Variants in CSF1R observed in about 807,000 individuals in gnomAD.
CSF1R encodes colony stimulating factor 1 receptor, also known as macrophage colony-stimulating factor 1 receptor.
In CSF1R, 40 loss-of-function variants were observed where a neutral mutation model predicts 110.0. The observed-to-expected ratio is 0.36, with a 90% CI of 0.28 to 0.47. The LOEUF (loss-of-function observed/expected upper bound fraction) is 0.47. CSF1R is among the 20% of genes least tolerant of loss of function. The pLI is 0.99. For synonymous variants in CSF1R, 523 were observed against 503.4 expected, an observed-to-expected ratio of 1.04 and a Z score of -0.52; for missense variants, 1,052 against 1,253.0, an observed-to-expected ratio of 0.84 and a Z score of 2.42.
intron 1 of CSF1R, among the ~76,000 whole-genome samples, chr5:150,093,374 G>A (rs148272580): frequency 0.025 from 3,787 of 152,108 alleles, 61 homozygotes; most frequent in South Asian, 0.054. Context: ...CCACAGCACC[G>A]GCCCTCATGC....
intron 1 of CSF1R, among the ~76,000 whole-genome samples, chr5:150,085,286 A>AAAAAAAAAAC (rs762504061): frequency 9.4e-5 from 14 of 148,712 alleles, no homozygotes; most frequent in African/African-American, 2.5e-4. Flanking sequence ...GGAAAAAAAA[A>AAAAAAAAAAC]AAAAAAACCC....
chr5:150,090,601 T>C (rs1759008293), upstream of CSF1R, among the ~76,000 whole-genome samples: 1 of 152,200 alleles, frequency 6.6e-6, no homozygotes, highest in Non-Finnish European at 1.5e-5. Flanking sequence ...ACGCAATATG[T>C]AGCTAAAGCC....
At chr5:150,055,162 G>C in intron 19 of CSF1R, 75 bp downstream of exon 19, 1 of 1,317,870 alleles carries the variant, frequency 7.6e-7, no homozygotes, top group Non-Finnish European at 1.1e-6. Flanking sequence ...GAAAGATCAG[G>C]GCCACACGGC....
Position 150,053,391 on chromosome 5 carries a change from G to C in CSF1R, c.*678C>G, listed in dbSNP as rs1757010112. 4.3e-6 allele frequency: 1 copy of C among 234,090 alleles called. No homozygotes were observed. The highest frequency in any genetic ancestry group is 1.8e-4 in the South Asian group (1 of 5,542). The allele number at this position is 234,090 out of a possible 1,614,324, so 14.5% of individuals were successfully genotyped here. ...TTGGGGGAGTTTGTGCTTCCTGCTT[G>C]GTGTGGCCAGCCACATGCCAAGGTC... is the stretch of plus-strand genomic sequence containing the variant. On this transcript the variant is annotated 3_prime_UTR_variant, in exon 21 of 21. Transcript: ENST00000675795.
intron 1 of CSF1R, among the ~76,000 whole-genome samples, chr5:150,112,006 T>C (rs1279213463): frequency 6.6e-6 from 1 of 152,154 alleles, no homozygotes; most frequent in African/African-American, 2.4e-5. Context: ...TACAAATGAG[T>C]GTTAAGCAGC....
intron 1 of CSF1R, among the ~76,000 whole-genome samples, chr5:150,107,423 A>C (rs1759587612): frequency 6.6e-6 from 1 of 152,192 alleles, no homozygotes; most frequent in Admixed American, 6.5e-5. Context: ...TGGTTGATCC[A>C]TTGGGCACAC....
intron 5 of CSF1R, among the ~76,000 whole-genome samples, chr5:150,075,673 C>T (rs1030534171): frequency 1.3e-5 from 2 of 152,168 alleles, no homozygotes; most frequent in Non-Finnish European, 2.9e-5. Context: ...CTTCATGAGT[C>T]GGGGGTTGTT....
chr5:150,068,600 T>G (rs1395869856), intron 9 of CSF1R, among the ~76,000 whole-genome samples: 3 of 151,958 alleles, frequency 2.0e-5, no homozygotes, highest in Non-Finnish European at 4.4e-5. Context: ...GCCTCTGGGG[T>G]CATGCAGTCT....
In CSF1R at chr5:150,105,423, C is replaced by T. The variant is rs185688343; in HGVS notation, c.-181+7838G>A. ...AATAGAGGCGGGGTTACCATGTTGG[C>T]GAGGCTGATCTCGAACTCCTGACCT... On this transcript the variant is annotated intron_variant, in intron 1 of 21. Coordinates refer to the CSF1R transcript ENST00000286301. Among the ~76,000 whole-genome samples, 882 of 140,576 alleles carry T rather than the reference C, an allele frequency of 6.3e-3. 16 individuals are homozygous for T. Among genetic ancestry groups the T allele is most frequent in the African/African-American group, 0.022 (827 of 37,644 alleles). The allele number at this position is 140,576 out of a possible 152,430, so 92.2% of individuals were successfully genotyped here.
At chr5:150,073,161 G>T in intron 6 of CSF1R, 140 bp downstream of exon 6, 2 of 781,694 alleles carry the variant, frequency 2.6e-6, no homozygotes, top group Non-Finnish European at 4.1e-6. Context: ...TGAAGTCAGG[G>T]AAAGCGAAGC....
At position 150,080,935 on chromosome 5, in the gene CSF1R, T is replaced by C. The variant is rs774944970; in HGVS notation, c.139A>G (p.Ser47Gly). The change falls in exon 2 of 21, where the codon AGC becomes GGC. Residue 47 changes from serine to glycine, a missense_variant. Ser to Gly is a moderately conservative substitution (Grantham distance 56). Transcript: ENST00000675795. ...GATGGGGGGCCATCCCATTCCACGC[T>C]GCCATTGCCCACACATCGCAAGGTC... ...TVTLRCVGNG[S>G]VEWDGPPSPH... The C allele has an allele frequency of 1.2e-6, 2 of 1,614,178 alleles. No individual in the cohort carries two copies. Among genetic ancestry groups the C allele is most frequent in the Non-Finnish European group, 1.7e-6 (2 of 1,180,014 alleles).
chr5:150,086,576 T>A, upstream of CSF1R: 1 of 672,322 alleles, frequency 1.5e-6, no homozygotes, highest in Non-Finnish European at 2.5e-6. Context: ...CTCTTCCTCC[T>A]CCTTGGGCTG....
At chr5:150,055,107 C>T (rs1336921024) in intron 19 of CSF1R, 130 bp downstream of exon 19, 3 of 745,426 alleles carry the variant, frequency 4.0e-6, no homozygotes, top group Admixed American at 2.2e-5. Flanking sequence ...TTGTTGTGTC[C>T]ACTATGGGAG....
chr5:150,079,457 T>C (rs1431329478), intron 3 of CSF1R, among the ~76,000 whole-genome samples: 1 of 152,182 alleles, frequency 6.6e-6, no homozygotes, highest in Non-Finnish European at 1.5e-5. Flanking sequence ...CCACCTCCAC[T>C]GTTACCTGGC....
intron 1 of CSF1R, among the ~76,000 whole-genome samples, chr5:150,097,341 G>A (rs1759259087): frequency 6.6e-6 from 1 of 150,676 alleles, no homozygotes; most frequent in Admixed American, 6.6e-5. Context: ...GGGAGGAAGG[G>A]AGGTAGGGAA....
chr5:150,087,379 C>T (rs550174888), upstream of CSF1R, among the ~76,000 whole-genome samples: 3 of 152,298 alleles, frequency 2.0e-5, no homozygotes, highest in Non-Finnish European at 4.4e-5. Context: ...TCACTGTCTC[C>T]TTTAGTACTG....
intron 1 of CSF1R, among the ~76,000 whole-genome samples, chr5:150,100,084 G>T (rs11746309): frequency 6.6e-6 from 1 of 151,728 alleles, no homozygotes; most frequent in Non-Finnish European, 1.5e-5. Flanking sequence ...ACTGTGGGAC[G>T]CACCCGTGCC....
intron 1 of CSF1R, among the ~76,000 whole-genome samples, chr5:150,107,147 A>G (rs1347649990): frequency 1.3e-5 from 2 of 152,242 alleles, no homozygotes; most frequent in Non-Finnish European, 2.9e-5. Flanking sequence ...CCACCCTCCA[A>G]AAGCAATTTA....
intron 13 of CSF1R, among the ~76,000 whole-genome samples, chr5:150,060,129 C>T (rs1030612902): frequency 1.3e-5 from 2 of 151,836 alleles, no homozygotes; most frequent in Non-Finnish European, 2.9e-5. Flanking sequence ...AGATCGAGAC[C>T]ATCCTGGCTA....
Sources: gnomAD v4.1 joint callset for allele counts (sites outside exome capture counted in the v4.1 genomes callset) on GRCh38, gnomAD v4.1.1 for gene constraint, MANE v1.5 for transcripts, NCBI Gene and HGNC (gene_info 2026-07-23, HGNC 2026-07-21) for gene names.